Variants in CNTNAP2 observed in about 807,000 individuals in gnomAD.
The protein encoded by CNTNAP2 is contactin associated protein 2, also known as contactin-associated protein-like 2.
Under a neutral mutation model 155.2 loss-of-function variants are expected in CNTNAP2, and 98 were observed. The observed-to-expected ratio is 0.63, with a 90% CI of 0.54 to 0.75. The LOEUF (loss-of-function observed/expected upper bound fraction) is 0.75. CNTNAP2 is among the 30% of genes least tolerant of loss of function. The pLI, the probability that CNTNAP2 is intolerant of heterozygous loss-of-function variation, is 0.00. For missense variants in CNTNAP2, 1,727 were observed against 1,688.1 expected (o/e 1.02, Z -0.40); for synonymous variants, 651 against 631.2 (o/e 1.03, Z -0.47).
chr7:148,313,415 C>T (rs902652461), intron 21 of CNTNAP2, among the ~76,000 whole-genome samples: 2 of 151,872 alleles, frequency 1.3e-5, no homozygotes, highest in African/African-American at 2.4e-5. Context: ...TTGAACAGTC[C>T]GATTTTCAGT....
At chr7:147,460,397 A>G (rs974833530) in intron 10 of CNTNAP2, among the ~76,000 whole-genome samples, 1 of 152,176 alleles carries the variant, frequency 6.6e-6, no homozygotes, top group Non-Finnish European at 1.5e-5. Flanking sequence ...GAGTCTAAGC[A>G]GAAGTGCTAC....
intron 21 of CNTNAP2, among the ~76,000 whole-genome samples, chr7:148,290,796 T>C (rs796610635): frequency 3.3e-5 from 5 of 152,354 alleles, no homozygotes; most frequent in African/African-American, 1.2e-4. Context: ...CCTGGTGCTA[T>C]TCTGGCTCTA....
chr7:147,581,798 A>G lies in CNTNAP2; in HGVS notation c.1897+19541A>G, dbSNP rs190078284. On this transcript the variant is annotated intron_variant, in intron 12 of 23. Coordinates refer to ENST00000361727, the MANE Select transcript of CNTNAP2 (RefSeq NM_014141.6). ...GTTTCTAGTGGTATGACTGTTGTAA[A>G]AATATACATTATATACAAAGCAGAG... 3.2e-4 allele frequency among the ~76,000 whole-genome samples: 48 copies of G among 152,306 alleles called. 1 individual carries two copies. The East Asian group carries it at 7.9e-3, about 25-fold the overall frequency.
At chr7:146,151,682 GTATATATATATATA>G (rs775446723) in intron 1 of CNTNAP2, among the ~76,000 whole-genome samples, 2 of 74,124 alleles carry the variant, frequency 2.7e-5, no homozygotes, top group African/African-American at 8.0e-5. Context: ...ATATATATAT[GTATATATATATATA>G]TGTATATATA....
intron 1 of CNTNAP2, among the ~76,000 whole-genome samples, chr7:146,426,066 A>G (rs1019214519): frequency 2.6e-5 from 4 of 151,042 alleles, no homozygotes; most frequent in Non-Finnish European, 5.9e-5. Flanking sequence ...CAAGCCTGTA[A>G]TATGAGCTAC....
Position 147,264,475 on chromosome 7 carries a change from T to C in CNTNAP2, c.1349-35666T>C, listed in dbSNP as rs1804562816. 2.0e-5 allele frequency among the ~76,000 whole-genome samples: 3 copies of C among 151,834 alleles called. No homozygotes were observed. The South Asian group carries it at 6.2e-4, about 32-fold the overall frequency. ...TAAAATTTCAGGAAGTGAGGGGTTG[T>C]GAATAGTCTGAAATGGAGTATCTGA... On this transcript the variant is annotated intron_variant, in intron 8 of 23. Coordinates refer to ENST00000361727, the MANE Select transcript of CNTNAP2 (RefSeq NM_014141.6).
At chr7:147,585,532 T>A (rs977101924) in intron 12 of CNTNAP2, among the ~76,000 whole-genome samples, 2 of 150,686 alleles carry the variant, frequency 1.3e-5, no homozygotes, top group Admixed American at 6.6e-5. Context: ...TATATATAGA[T>A]CTATATATAT....
chr7:147,915,516 T>C (rs1800142801), intron 14 of CNTNAP2, among the ~76,000 whole-genome samples: 1 of 152,088 alleles, frequency 6.6e-6, no homozygotes, highest in Non-Finnish European at 1.5e-5. Context: ...ACCAGAAAGA[T>C]TGTTGATATT....
At chr7:147,041,760 A>C (rs1799263175) in intron 3 of CNTNAP2, among the ~76,000 whole-genome samples, 1 of 152,186 alleles carries the variant, frequency 6.6e-6, no homozygotes. Context: ...GTTTTTCTAA[A>C]TATTGACATA....
At position 148,172,379 on chromosome 7, in the gene CNTNAP2, G is replaced by A; in HGVS notation, c.2911G>A (p.Gly971Arg). 1 of 1,614,144 alleles carries A rather than the reference G, an allele frequency of 6.2e-7. No individual in the cohort carries two copies. Reference sequence around the variant, plus strand: ...ATGCTCGGGCCATTGCACCAGCTATGGAACAAACTGTGAAAATGGAGGCAA... The same window carrying A: ...ATGCTCGGGCCATTGCACCAGCTATAGAACAAACTGTGAAAATGGAGGCAA... ...SGCSGHCTSYGTNCENGGKCL... is the reference protein window; with the variant it reads ...SGCSGHCTSYRTNCENGGKCL... The change falls in exon 18 of 24, where the codon GGA (glycine) becomes AGA (arginine). Residue 971 changes from glycine (G) to arginine (R), a missense_variant. Gly to Arg is a moderately radical substitution (Grantham distance 125, BLOSUM62 -2). Transcript: ENST00000361727.
intron 1 of CNTNAP2, among the ~76,000 whole-genome samples, chr7:146,551,674 G>A (rs1381582065): frequency 6.6e-6 from 1 of 152,064 alleles, no homozygotes; most frequent in Non-Finnish European, 1.5e-5. Context: ...CTTATCTCTT[G>A]TTATATAAGT....
chr7:147,530,849 G>T (rs1799419457), intron 11 of CNTNAP2, among the ~76,000 whole-genome samples: 1 of 152,150 alleles, frequency 6.6e-6, no homozygotes, highest in Admixed American at 6.5e-5. Context: ...CTGAGACAAG[G>T]CAAGTCCTTT....
intron 1 of CNTNAP2, among the ~76,000 whole-genome samples, chr7:146,250,200 T>A (rs1336068082): frequency 6.6e-6 from 1 of 152,222 alleles, no homozygotes; most frequent in Admixed American, 6.5e-5. Flanking sequence ...GAGATGATAA[T>A]AGTACCTTTG....
intron 2 of CNTNAP2, among the ~76,000 whole-genome samples, chr7:146,782,989 A>G (rs967295828): frequency 6.6e-6 from 1 of 152,166 alleles, no homozygotes; most frequent in Non-Finnish European, 1.5e-5. Context: ...AAATATTATC[A>G]TAATAATTTA....
At chr7:146,623,271 G>C in intron 1 of CNTNAP2, among the ~76,000 whole-genome samples, 1 of 152,042 alleles carries the variant, frequency 6.6e-6, no homozygotes, top group East Asian at 1.9e-4. Flanking sequence ...ATGTGATCCT[G>C]ACTTCCTGCA....
chr7:146,837,573 G>A (rs1554398882), intron 2 of CNTNAP2, among the ~76,000 whole-genome samples: 1 of 151,368 alleles, frequency 6.6e-6, no homozygotes, highest in Non-Finnish European at 1.5e-5. Context: ...TTTCTCTCTG[G>A]TTCTAAGACA....
intron 4 of CNTNAP2, among the ~76,000 whole-genome samples, chr7:147,099,053 T>C (rs990075650): frequency 1.3e-5 from 2 of 152,058 alleles, no homozygotes; most frequent in Non-Finnish European, 1.5e-5. Context: ...GAGGGAACTG[T>C]GGGCAAGGTC....
At chr7:147,091,145 A>G (rs1408722659) in intron 4 of CNTNAP2, among the ~76,000 whole-genome samples, 2 of 152,062 alleles carry the variant, frequency 1.3e-5, no homozygotes, top group Non-Finnish European at 2.9e-5. Context: ...GGAGTCTCTT[A>G]GATTCCTCGT....
intron 1 of CNTNAP2, among the ~76,000 whole-genome samples, chr7:146,154,255 TG>T (rs1382001102): frequency 4.6e-5 from 7 of 152,314 alleles, no homozygotes; most frequent in African/African-American, 1.7e-4. Context: ...GATGTATATG[TG>T]GCTCAAAAGG....
Sources: gnomAD v4.1 joint callset for allele counts (sites outside exome capture counted in the v4.1 genomes callset) on GRCh38, gnomAD v4.1.1 for gene constraint, MANE v1.5 for transcripts, NCBI Gene and HGNC (gene_info 2026-07-23, HGNC 2026-07-21) for gene names.